The following VWC2L variants were observed in gnomAD, a reference collection of about 807,000 sequenced individuals.
VWC2L encodes von Willebrand factor C domain-containing protein 2-like.
VWC2L carries 10 observed loss-of-function variants against 21.6 expected under a neutral mutation model. The ratio of observed to expected loss-of-function variants is 0.46; its 90% CI spans 0.29 to 0.78. The LOEUF (loss-of-function observed/expected upper bound fraction) is 0.78. Among genes scored for constraint, VWC2L ranks in the 30% least tolerant of loss-of-function variants. The pLI is 0.10. For missense variants in VWC2L, 209 were observed against 277.1 expected (o/e 0.75, Z 1.74); for synonymous variants, 96 against 94.3 (o/e 1.02, Z -0.10).
chr2:214,483,133 G>A (rs1465367089), intron 3 of VWC2L, among the ~76,000 whole-genome samples: 1 of 152,148 alleles, frequency 6.6e-6, no homozygotes, highest in Non-Finnish European at 1.5e-5. Context: ...AGCATGTCAT[G>A]TAAACAGAAC....
chr2:214,422,988 A>G (rs1366736667), intron 2 of VWC2L, among the ~76,000 whole-genome samples: 1 of 151,252 alleles, frequency 6.6e-6, no homozygotes, highest in Non-Finnish European at 1.5e-5. Context: ...GAGACCATAT[A>G]TATCTTATGA....
At chr2:214,538,207 A>C (rs1474928453) in intron 3 of VWC2L, among the ~76,000 whole-genome samples, 2 of 152,016 alleles carry the variant, frequency 1.3e-5, no homozygotes, top group African/African-American at 4.8e-5. Context: ...ACAACCGCTA[A>C]ATGGCTCTTC....
chr2:214,476,470 T>C (rs1049798305), intron 3 of VWC2L, among the ~76,000 whole-genome samples: 5 of 152,118 alleles, frequency 3.3e-5, no homozygotes, highest in African/African-American at 7.2e-5. Context: ...ATGACAATGA[T>C]TGTGGGGGTT....
chr2:214,552,160 C>T (rs1345502226), intron 3 of VWC2L, among the ~76,000 whole-genome samples: 1 of 152,222 alleles, frequency 6.6e-6, no homozygotes. Flanking sequence ...TACATGAACA[C>T]TCAGAACTTC....
chr2:214,457,851 A>G (rs1056160198), intron 3 of VWC2L, among the ~76,000 whole-genome samples: 5 of 152,038 alleles, frequency 3.3e-5, no homozygotes, highest in Non-Finnish European at 7.4e-5. Flanking sequence ...TGCATATGCC[A>G]TTGAATTTGA....
At chr2:214,454,151 A>C (rs924385734) in intron 3 of VWC2L, among the ~76,000 whole-genome samples, 2 of 152,012 alleles carry the variant, frequency 1.3e-5, no homozygotes, top group African/African-American at 4.8e-5. Flanking sequence ...CAACTATTGG[A>C]TCTAGTAGCT....
rs575149101 is a variant in VWC2L, at chr2:214,492,620, T to C, written c.520+55862T>C. On this transcript the variant is annotated intron_variant, in intron 3 of 3. Transcript: ENST00000312504. ...TGAATGTGTTCACTTATCGTGTGTA[T>C]ATAAATTTTTTGGTAAATTCAATAT... Among the ~76,000 whole-genome samples, 8 of 152,342 alleles carry C rather than the reference T, an allele frequency of 5.3e-5. No homozygotes were observed. In the South Asian group the frequency reaches 1.0e-3, roughly 20 times the overall value.
At chr2:214,521,411 C>T (rs1166175641) in intron 3 of VWC2L, among the ~76,000 whole-genome samples, 2 of 152,092 alleles carry the variant, frequency 1.3e-5, no homozygotes, top group Non-Finnish European at 2.9e-5. Context: ...GAGGCTGGGA[C>T]AGTATTTAAA....
Position 214,449,441 on chromosome 2 carries a change from G to A in VWC2L, c.520+12683G>A, listed in dbSNP as rs137897135. Reference sequence around the variant, plus strand: ...GAAAATGTGCCTTGATATCAGAGCAGTGGGAGAAAAAATTGATTGTAGGAG... The same window carrying A: ...GAAAATGTGCCTTGATATCAGAGCAATGGGAGAAAAAATTGATTGTAGGAG... On this transcript the variant is annotated intron_variant, in intron 3 of 3. Transcript: ENST00000312504. 3.8e-3 allele frequency among the ~76,000 whole-genome samples: 580 copies of A among 152,326 alleles called. 1 individual carries two copies. The highest frequency in any genetic ancestry group is 5.9e-3 in the Non-Finnish European group (401 of 68,026).
At chr2:214,415,542 A>T (rs1337457397) in intron 2 of VWC2L, among the ~76,000 whole-genome samples, 1 of 152,140 alleles carries the variant, frequency 6.6e-6, no homozygotes, top group Non-Finnish European at 1.5e-5. Flanking sequence ...GTGTTTATGT[A>T]TGAGAGAAGA....
intron 1 of VWC2L, among the ~76,000 whole-genome samples, chr2:214,413,060 G>A (rs1486397651): frequency 6.6e-6 from 1 of 151,962 alleles, no homozygotes; most frequent in East Asian, 1.9e-4. Flanking sequence ...AATACTAAGT[G>A]GAGTTTACAA....
At chr2:214,518,426 T>C (rs1689179066) in intron 3 of VWC2L, among the ~76,000 whole-genome samples, 1 of 152,232 alleles carries the variant, frequency 6.6e-6, no homozygotes, top group Non-Finnish European at 1.5e-5. Context: ...ATTATGATGA[T>C]GCAGGTCTTT....
At chr2:214,570,725 T>A (rs1187385980) in intron 3 of VWC2L, among the ~76,000 whole-genome samples, 1 of 152,124 alleles carries the variant, frequency 6.6e-6, no homozygotes, top group East Asian at 1.9e-4. Context: ...TTTTCCTACC[T>A]TTTCCTCTTT....
At chr2:214,492,382 G>A (rs534502321) in intron 3 of VWC2L, among the ~76,000 whole-genome samples, 23 of 152,326 alleles carry the variant, frequency 1.5e-4, no homozygotes, top group South Asian at 4.1e-4. Flanking sequence ...AGGCGGTGCC[G>A]CTGAGACAAG....
At chr2:214,494,476 G>A (rs908064772) in intron 3 of VWC2L, among the ~76,000 whole-genome samples, 8 of 152,188 alleles carry the variant, frequency 5.3e-5, no homozygotes, top group African/African-American at 1.9e-4. Context: ...TCTCTGAAGA[G>A]TTTCCCAGAT....
intron 3 of VWC2L, among the ~76,000 whole-genome samples, chr2:214,565,519 G>T (rs1480438154): frequency 6.6e-6 from 1 of 152,148 alleles, no homozygotes; most frequent in African/African-American, 2.4e-5. Flanking sequence ...CATTCGTCCT[G>T]CTTCTTGCAG....
At chr2:214,562,734 A>C (rs149208387) in intron 3 of VWC2L, among the ~76,000 whole-genome samples, 1 of 152,150 alleles carries the variant, frequency 6.6e-6, no homozygotes, top group South Asian at 2.1e-4. Flanking sequence ...TTCTTTAACT[A>C]TCAGTGATGT....
chr2:214,542,764 C>T (rs1483049999), intron 3 of VWC2L, among the ~76,000 whole-genome samples: 1 of 152,060 alleles, frequency 6.6e-6, no homozygotes, highest in Non-Finnish European at 1.5e-5. Flanking sequence ...TAAATTTATC[C>T]CAGGGGTGGT....
At chr2:214,448,970 C>A (rs756771807) in intron 3 of VWC2L, among the ~76,000 whole-genome samples, 4 of 152,172 alleles carry the variant, frequency 2.6e-5, no homozygotes, top group Non-Finnish European at 4.4e-5. Context: ...GTCTTCTCCT[C>A]TATGGGCCAG....
Sources: allele counts gnomAD v4.1 joint callset (sites outside exome capture counted in the v4.1 genomes callset), GRCh38; gene constraint gnomAD v4.1.1; transcripts MANE v1.5; gene names NCBI Gene and HGNC (gene_info 2026-07-23, HGNC 2026-07-21).